Variants in ACSL6 observed in about 807,000 individuals in gnomAD.
ACSL6 encodes long-chain-fatty-acid--CoA ligase 6.
A neutral mutation model predicts 98.2 loss-of-function variants in ACSL6; 47 were observed. The ratio of observed to expected loss-of-function variants is 0.48; its 90% CI spans 0.38 to 0.61. ACSL6 has a LOEUF of 0.61. Among genes scored for constraint, ACSL6 ranks in the 20% least tolerant of loss-of-function variants. The pLI is 0.00. For synonymous variants in ACSL6, 362 were observed against 336.9 expected, an observed-to-expected ratio of 1.07 and a Z score of -0.82; for missense variants, 761 against 913.4, an observed-to-expected ratio of 0.83 and a Z score of 2.15.
chr5:131,988,817 T>A lies in ACSL6; in HGVS notation c.640A>T (p.Ile214Phe), dbSNP rs746439546. ...DTLGPGAIRY[I>F]INTADISTVI... is the part of the protein sequence containing the mutation. ...GCAGTGGGCTTACCTGTATTGATGA[T>A]GTAGCGGATAGCCCCAGGGCCCAGG... is the stretch of plus-strand genomic sequence containing the variant. Residue 214 changes from isoleucine (I) to phenylalanine (F), a missense_variant, in exon 6 of 21, where the codon ATC (isoleucine) becomes TTC (phenylalanine). Coordinates refer to ENST00000651883, the MANE Select transcript of ACSL6 (RefSeq NM_001009185.3). 4 of 1,613,304 alleles carry A rather than the reference T, an allele frequency of 2.5e-6. No homozygotes were observed. The South Asian group carries it at 3.3e-5, about 13-fold the overall frequency.
In ACSL6 at chr5:131,952,330, TA is replaced by T. The variant is rs1391776763; in HGVS notation, c.*1903del. On this transcript the variant is annotated 3_prime_UTR_variant, in exon 21 of 21. Transcript: ENST00000651883. ...GAGAATATGCCCAAGAAAAACTGGA[TA>T]AAAAGACTGGGTAAATACATCAAAT... 2.5e-5 allele frequency: 5 copies of T among 202,406 alleles called. No homozygotes were observed. The highest frequency in any genetic ancestry group is 1.1e-4 in the African/African-American group (5 of 43,588). 12.5% of individuals were successfully genotyped at this position (202,406 alleles called of 1,614,324 possible). A position where few individuals can be genotyped will look rare whatever the true frequency, so the allele number is the denominator to read the frequency against.
chr5:131,964,351 T>TA (rs1200317045), intron 17 of ACSL6, among the ~76,000 whole-genome samples: 1 of 152,234 alleles, frequency 6.6e-6, no homozygotes, highest in Non-Finnish European at 1.5e-5. Context: ...ACATGAGAAA[T>TA]ATAGAATAAT....
intron 20 of ACSL6, 136 bp from the exon 21 acceptor site, chr5:131,954,507 A>C (rs1752297407): frequency 7.2e-6 from 7 of 973,532 alleles, no homozygotes; most frequent in Non-Finnish European, 9.9e-6. Flanking sequence ...AATTATGTTG[A>C]GAACATTTCA....
chr5:131,981,454 C>A (rs2126861478), intron 9 of ACSL6, among the ~76,000 whole-genome samples: 1 of 136,292 alleles, frequency 7.3e-6, no homozygotes, highest in Admixed American at 7.1e-5. Flanking sequence ...GCACCCAGAT[C>A]AAGACATAGA....
rs932112831 is a variant in ACSL6, at chr5:131,967,971, A to C, written c.1565T>G (p.Leu522Arg). 6.2e-7 allele frequency: 1 copy of C among 1,613,996 alleles called. No individual in the cohort carries two copies. ...CTCTCCTTTGCAGGCCCAGTAGTTC[A>C]GTTCCTCAACATCAACGAGCTTGAT... The part of the protein sequence containing the change: ...NHIKLVDVEE[L>R]NYWACKGEGE... Residue 522 changes from leucine to arginine, a missense_variant, in exon 16 of 21, where the codon CTG becomes CGG. Physicochemically the swap from Leu to Arg is moderately radical, Grantham distance 102 (BLOSUM62 -2). Coordinates refer to ENST00000651883, the MANE Select transcript of ACSL6 (RefSeq NM_001009185.3).
At chr5:131,967,280 G>A (rs867755430) in intron 16 of ACSL6, among the ~76,000 whole-genome samples, 9 of 152,258 alleles carry the variant, frequency 5.9e-5, no homozygotes, top group Middle Eastern at 3.4e-3. Flanking sequence ...CCAGGAGTTC[G>A]AGGCTATGGT....
chr5:131,955,180 A>G (rs1431456652), intron 20 of ACSL6, among the ~76,000 whole-genome samples: 1 of 152,190 alleles, frequency 6.6e-6, no homozygotes, highest in Non-Finnish European at 1.5e-5. Flanking sequence ...TTGCCTAAAG[A>G]TGGGCATCAT....
At chr5:132,011,771 C>A, upstream of ACSL6, 7 of 1,350,440 alleles carry the variant, frequency 5.2e-6, no homozygotes, top group Non-Finnish European at 6.7e-6. The surrounding 1 kb of genome is among the most constrained non-coding windows in gnomAD (Gnocchi z 5.4). Flanking sequence ...GAGCCTTACT[C>A]CCTGCCCTGC....
At chr5:131,955,352 A>G (rs1263537272) in intron 20 of ACSL6, among the ~76,000 whole-genome samples, 1 of 152,256 alleles carries the variant, frequency 6.6e-6, no homozygotes, top group Middle Eastern at 3.2e-3. Context: ...AAAGAAGCAC[A>G]GATTCAGTAA....
In ACSL6 at chr5:132,011,575, C is replaced by G; in HGVS notation, c.-22G>C. On this transcript the variant is annotated 5_prime_UTR_variant, in exon 1 of 21. Transcript: ENST00000651883. This position sits in a 1 kb window ranked among gnomAD's most constrained non-coding sequence, Gnocchi z 5.4. Reference sequence around the variant, plus strand: ...GCATGGCGGTCAGCGGGGCCCGGCCCGGCCCGGCCCGGCCTCCCCGACCCG... The same window carrying G: ...GCATGGCGGTCAGCGGGGCCCGGCCGGGCCCGGCCCGGCCTCCCCGACCCG... 4 of 1,515,046 alleles carry G rather than the reference C, an allele frequency of 2.6e-6. No homozygotes were observed. Among genetic ancestry groups the G allele is most frequent in the Non-Finnish European group, 3.5e-6 (4 of 1,133,952 alleles). 93.9% of individuals were successfully genotyped at this position (1,515,046 alleles called of 1,614,324 possible).
In ACSL6 at chr5:131,985,411, C is replaced by G. The variant is rs148729460; in HGVS notation, c.912G>C (p.Thr304=). 2.5e-6 allele frequency: 4 copies of G among 1,614,024 alleles called. No individual in the cohort carries two copies. Among genetic ancestry groups the G allele is most frequent in the African/African-American group, 2.7e-5 (2 of 75,042 alleles). The change falls in exon 9 of 21, where the codon ACG becomes ACC. Residue 304 remains threonine (T), a synonymous_variant. Transcript: ENST00000651883. ...GATCTGCGTGCCTCTGCTTACCTGT[C>G]GTGCCGCTTGTGAAACACACAATGG... ...DLSIVCFTSG[T]TGNPKGAMLT...
At position 131,989,583 on chromosome 5, in the gene ACSL6, CTTTTTTTTTTTTTT is replaced by C. The variant is rs57391438; in HGVS notation, c.451-89_451-76del. 77 of 180,640 alleles carry C rather than the reference CTTTTTTTTTTTTTT, an allele frequency of 4.3e-4. No homozygotes were observed. The Middle Eastern group carries it at 0.011, about 25-fold the overall frequency. The allele number at this position is 180,640 out of a possible 1,614,324, so 11.2% of individuals were successfully genotyped here. A position where few individuals can be genotyped will look rare whatever the true frequency, so the allele number is the denominator to read the frequency against. On this transcript the variant is annotated intron_variant, in intron 4 of 20. Coordinates refer to ENST00000651883, the MANE Select transcript of ACSL6 (RefSeq NM_001009185.3). ...GGGAAGGAGATCCCCAGGAGGAATT[CTTTTTTTTTTTTTT>C]TTTTTTTTTTTTTTTTGAGATGGAG...
chr5:131,969,870 C>T (rs1753211527), intron 15 of ACSL6, among the ~76,000 whole-genome samples: 1 of 152,102 alleles, frequency 6.6e-6, no homozygotes, highest in Admixed American at 6.6e-5. Flanking sequence ...TAGTGGGTAG[C>T]CCATGGATTA....
chr5:131,989,696 A>C (rs1205399030), intron 4 of ACSL6, among the ~76,000 whole-genome samples, 188 bp from the exon 5 acceptor site: 1 of 149,834 alleles, frequency 6.7e-6, no homozygotes, highest in African/African-American at 2.5e-5. Flanking sequence ...CCCAGGTTCA[A>C]GCAATTCTCC....
At chr5:131,975,584 G>A (rs1753572395) in intron 10 of ACSL6, 4 of 912,664 alleles carry the variant, frequency 4.4e-6, no homozygotes, top group Non-Finnish European at 5.1e-6. Flanking sequence ...AACACTGGCT[G>A]AGCCTGGCCT....
chr5:131,980,099 G>A (rs1753812134), intron 9 of ACSL6, among the ~76,000 whole-genome samples: 1 of 152,148 alleles, frequency 6.6e-6, no homozygotes, highest in Non-Finnish European at 1.5e-5. Flanking sequence ...GGGTGGAAGT[G>A]GGTTTGGGGA....
intron 2 of ACSL6, chr5:131,993,317 A>T (rs1580685009): frequency 6.5e-6 from 1 of 153,184 alleles, no homozygotes; most frequent in East Asian, 1.9e-4. Flanking sequence ...GTATCTCTAC[A>T]CATCTGCTCA....
intron 17 of ACSL6, among the ~76,000 whole-genome samples, chr5:131,963,395 G>C (rs1220813161): frequency 6.6e-6 from 1 of 152,182 alleles, no homozygotes; most frequent in Admixed American, 6.5e-5. Flanking sequence ...ATGCACCTTG[G>C]AGTAACCACC....
At chr5:131,958,295 C>T (rs1411655149) in intron 20 of ACSL6, among the ~76,000 whole-genome samples, 4 of 152,200 alleles carry the variant, frequency 2.6e-5, no homozygotes, top group Non-Finnish European at 5.9e-5. Context: ...TTCAAATCCA[C>T]GTAGGCCCAG....
Sources: gnomAD v4.1 joint callset for allele counts (sites outside exome capture counted in the v4.1 genomes callset) on GRCh38, gnomAD v4.1.1 for gene constraint, Gnocchi (gnomAD v3.1) non-coding constraint, MANE v1.5 for transcripts, NCBI Gene and HGNC (gene_info 2026-07-23, HGNC 2026-07-21) for gene names.